The following ATP8A2 variants were observed in gnomAD, a reference collection of about 807,000 sequenced individuals.
ATP8A2 encodes ATPase phospholipid transporting 8A2, also known as phospholipid-transporting ATPase IB.
ATP8A2 carries 100 observed loss-of-function variants against 165.6 expected under a neutral mutation model. That is an observed-to-expected ratio of 0.60 (90% CI 0.51 to 0.71). The LOEUF (loss-of-function observed/expected upper bound fraction) is 0.71, where lower values mean the gene tolerates loss of function less well. Ranked by LOEUF, ATP8A2 falls within the 30% of genes least tolerant of loss-of-function variation. The probability of loss-of-function intolerance (pLI) is 0.00; values close to 1 mark genes in which losing one functional copy is unlikely to be tolerated. For missense variants in ATP8A2, 1,227 were observed against 1,479.5 expected, an observed-to-expected ratio of 0.83 and a Z score of 2.80; for synonymous variants, 543 against 548.8, an observed-to-expected ratio of 0.99 and a Z score of 0.15.
chr13:25,690,455 T>C (rs1297534033), intron 24 of ATP8A2, among the ~76,000 whole-genome samples: 3 of 151,228 alleles, frequency 2.0e-5, no homozygotes, highest in Non-Finnish European at 3.0e-5. Flanking sequence ...GAGAGCTTCT[T>C]AGACAAGGCA....
chr13:25,540,086 T>C (rs1334894352), intron 7 of ATP8A2, among the ~76,000 whole-genome samples: 2 of 152,224 alleles, frequency 1.3e-5, no homozygotes. Flanking sequence ...GCAGTCATTA[T>C]GTGGGGCTTA....
rs1314522463 is a variant in ATP8A2 at position 25,372,331 on chromosome 13, G to C, written c.76+43G>C. On this transcript the variant is annotated intron_variant, in intron 1 of 36. Coordinates refer to ENST00000381655, the MANE Select transcript of ATP8A2 (RefSeq NM_016529.6). The surrounding 1 kb of genome is among the most constrained non-coding windows in gnomAD (Gnocchi z 4.8). ...CGGCGAGGGAGGGTGGGCCCGGGGC[G>C]GGGGCGGCGCGGGGCGCGCCTGCGG... 2.6e-5 allele frequency: 36 copies of C among 1,363,748 alleles called. No homozygotes were observed. In the East Asian group the frequency reaches 7.4e-4, roughly 28 times the overall value. 84.5% of individuals were successfully genotyped at this position (1,363,748 alleles called of 1,614,324 possible). A position where few individuals can be genotyped will look rare whatever the true frequency, so the allele number is the denominator to read the frequency against.
intron 1 of ATP8A2, among the ~76,000 whole-genome samples, chr13:25,431,186 G>C (rs2138148190): frequency 6.6e-6 from 1 of 152,036 alleles, no homozygotes; most frequent in Middle Eastern, 3.4e-3. Context: ...TTTCACTTTT[G>C]TTGCCCAGGC....
chr13:25,431,616 T>A (rs2034616520), intron 1 of ATP8A2, among the ~76,000 whole-genome samples: 1 of 152,238 alleles, frequency 6.6e-6, no homozygotes, highest in Non-Finnish European at 1.5e-5. Flanking sequence ...TTCTTCTAAC[T>A]AAGCAACCTT....
At chr13:25,931,427 T>C (rs1954766530) in intron 33 of ATP8A2, among the ~76,000 whole-genome samples, 1 of 152,204 alleles carries the variant, frequency 6.6e-6, no homozygotes, top group African/African-American at 2.4e-5. Context: ...TGTATATTGC[T>C]TTATCTTCAT....
chr13:25,389,717 CTGG>C (rs2033177135), intron 1 of ATP8A2, among the ~76,000 whole-genome samples: 1 of 152,158 alleles, frequency 6.6e-6, no homozygotes, highest in African/African-American at 2.4e-5. Context: ...AGTCAGTGAC[CTGG>C]ATTCATAGTT....
intron 1 of ATP8A2, among the ~76,000 whole-genome samples, chr13:25,445,154 G>T (rs1172449952): frequency 6.6e-6 from 1 of 152,096 alleles, no homozygotes; most frequent in African/African-American, 2.4e-5. Flanking sequence ...AGAAGTTTTT[G>T]ATTTTAATGA....
At chr13:25,898,393 T>C (rs1255026741) in intron 33 of ATP8A2, among the ~76,000 whole-genome samples, 2 of 152,212 alleles carry the variant, frequency 1.3e-5, no homozygotes, top group South Asian at 2.1e-4. Context: ...GGAAGTTTTG[T>C]CTCAGAGGAG....
At chr13:25,480,321 G>GGGT (rs2036138011) in intron 2 of ATP8A2, among the ~76,000 whole-genome samples, 2 of 151,790 alleles carry the variant, frequency 1.3e-5, no homozygotes, top group Non-Finnish European at 2.9e-5. Flanking sequence ...CTCCCGGACG[G>GGGT]GGCGGCTGCC....
chr13:25,926,315 G>A (rs1407237484), intron 33 of ATP8A2, among the ~76,000 whole-genome samples: 1 of 151,968 alleles, frequency 6.6e-6, no homozygotes, highest in Non-Finnish European at 1.5e-5. Context: ...CCATTCCATG[G>A]CCCCTCCCCT....
intron 2 of ATP8A2, among the ~76,000 whole-genome samples, chr13:25,504,665 G>A (rs1368326387): frequency 6.9e-5 from 10 of 145,246 alleles, no homozygotes; most frequent in African/African-American, 2.0e-4. Flanking sequence ...GCGTGAACCC[G>A]GGAAGCGGAG....
At chr13:25,580,098 T>A (rs1278431032) in intron 22 of ATP8A2, 151 bp downstream of exon 22, 2 of 936,466 alleles carry the variant, frequency 2.1e-6, no homozygotes, top group African/African-American at 3.3e-5. Context: ...TTTCTTTGCT[T>A]TAAGAAGCAC....
intron 23 of ATP8A2, among the ~76,000 whole-genome samples, chr13:25,584,595 G>A (rs1326952968): frequency 2.0e-5 from 3 of 152,140 alleles, no homozygotes; most frequent in Non-Finnish European, 4.4e-5. Flanking sequence ...ATTTACATAT[G>A]AACATTCTTA....
intron 1 of ATP8A2, among the ~76,000 whole-genome samples, chr13:25,386,117 T>G (rs1326101162): frequency 1.1e-4 from 16 of 152,056 alleles, no homozygotes; most frequent in Non-Finnish European, 1.0e-4. Context: ...GGTTTCACCA[T>G]GTTGGCCAGG....
chr13:25,471,641 C>CTGG (rs1245700594), intron 2 of ATP8A2, among the ~76,000 whole-genome samples: 1 of 152,220 alleles, frequency 6.6e-6, no homozygotes, highest in African/African-American at 2.4e-5. Flanking sequence ...CCAGGCCCAG[C>CTGG]TGGAAGGTAA....
rs954663443 is a variant in ATP8A2 at position 26,022,567 on chromosome 13, G to A, written c.*2582G>A. ...AGATGCCTTTCTATCCTCTCATGTG[G>A]TTGAGCATTCTTACAGCCAAATGAC... On this transcript the variant is annotated 3_prime_UTR_variant, in exon 37 of 37. Coordinates refer to ENST00000381655, the MANE Select transcript of ATP8A2 (RefSeq NM_016529.6). 5 of 152,212 alleles carry A rather than the reference G, an allele frequency of 3.3e-5. No individual in the cohort carries two copies. Among genetic ancestry groups the A allele is most frequent in the African/African-American group, 1.2e-4 (5 of 41,458 alleles). 9.4% of individuals were successfully genotyped at this position (152,212 alleles called of 1,614,324 possible). A position where few individuals can be genotyped will look rare whatever the true frequency, so the allele number is the denominator to read the frequency against.
intron 16 of ATP8A2, among the ~76,000 whole-genome samples, chr13:25,570,240 A>G (rs756000322): frequency 3.0e-4 from 46 of 152,250 alleles, no homozygotes; most frequent in Non-Finnish European, 6.0e-4. Context: ...GAGCCTGGAG[A>G]TGGGAGCATC....
intron 24 of ATP8A2, among the ~76,000 whole-genome samples, chr13:25,671,213 T>A (rs1946384733): frequency 6.6e-6 from 1 of 152,206 alleles, no homozygotes; most frequent in African/African-American, 2.4e-5. Context: ...CTCTTGTGAT[T>A]TCCTATGCCT....
intron 27 of ATP8A2, among the ~76,000 whole-genome samples, chr13:25,782,098 C>T (rs1263483211): frequency 6.6e-6 from 1 of 152,222 alleles, no homozygotes; most frequent in African/African-American, 2.4e-5. Flanking sequence ...GCATATAATG[C>T]ATGACTTAAC....
Sources: gnomAD v4.1 joint callset for allele counts (sites outside exome capture counted in the v4.1 genomes callset) on GRCh38, gnomAD v4.1.1 for gene constraint, Gnocchi (gnomAD v3.1) non-coding constraint, MANE v1.5 for transcripts, NCBI Gene and HGNC (gene_info 2026-07-23, HGNC 2026-07-21) for gene names.